Variants in SCN1A observed in about 807,000 individuals in gnomAD.
SCN1A encodes sodium channel protein type 1 subunit alpha.
SCN1A carries 13 observed loss-of-function variants against 193.7 expected under a neutral mutation model. The observed-to-expected ratio is 0.07, with a 90% CI of 0.04 to 0.11. The LOEUF (loss-of-function observed/expected upper bound fraction) is 0.11, where lower values mean the gene tolerates loss of function less well. Ranked by LOEUF, SCN1A falls within the 10% of genes least tolerant of loss-of-function variation. The pLI is 1.00. For synonymous variants in SCN1A, 781 were observed against 843.6 expected (o/e 0.93, Z 1.29); for missense variants, 1,432 against 2,451.1 (o/e 0.58, Z 8.78).
At position 165,986,724 on chromosome 2, in the gene SCN1A, C is replaced by A. The variant is rs1688636321; in HGVS notation, c.*4521G>T. ...AAAAAAAAAAAAAATCCTCCCCTTT[C>A]TAAAGACACACACACATCTATACTT... On this transcript the variant is annotated 3_prime_UTR_variant, in exon 29 of 29. Transcript: ENST00000674923. The A allele has an allele frequency of 6.8e-6, 1 of 146,588 alleles. No individual in the cohort carries two copies. Among genetic ancestry groups the A allele is most frequent in the African/African-American group, 2.5e-5 (1 of 40,172 alleles). 9.1% of individuals were successfully genotyped at this position (146,588 alleles called of 1,614,324 possible). A position where few individuals can be genotyped will look rare whatever the true frequency, so the allele number is the denominator to read the frequency against.
chr2:166,144,944 C>T (rs556579857), intron 1 of SCN1A, among the ~76,000 whole-genome samples: 84 of 151,304 alleles, frequency 5.6e-4, no homozygotes, highest in African/African-American at 1.6e-3. Flanking sequence ...CTCCGCCTCC[C>T]GGGTTCAAGC....
chr2:166,059,943 T>C (rs1307669996), intron 4 of SCN1A, among the ~76,000 whole-genome samples: 1 of 152,124 alleles, frequency 6.6e-6, no homozygotes, highest in Non-Finnish European at 1.5e-5. Flanking sequence ...TGTGAAAGTA[T>C]GGTCCCCCAA....
In SCN1A at chr2:166,036,412, C is replaced by A; in HGVS notation, c.3065G>T (p.Gly1022Val). The A allele has an allele frequency of 6.2e-7, 1 of 1,603,354 alleles. No individual in the cohort carries two copies. The highest frequency in any genetic ancestry group is 1.1e-5 in the South Asian group (1 of 88,418). The part of the protein sequence containing the change: ...LQIAVDRMHK[G>V]VAYVKRKIYE... ...TATTTTTCTTTTCACATAAGCTACT[C>A]CTTTGTGCATCCTATCCACAGCAAT... The change falls in exon 19 of 29, where the codon GGA becomes GTA. Residue 1022 changes from glycine to valine, a missense_variant. This residue lies in a region of SCN1A where 198 missense variants were observed against 225.8 expected (regional missense o/e 0.88). Coordinates refer to ENST00000674923, the MANE Select transcript of SCN1A (RefSeq NM_001165963.4).
At chr2:165,985,428 AAAAGG>A (rs932436406), downstream of SCN1A, 7 of 151,836 alleles carry the variant, frequency 4.6e-5, no homozygotes, top group Admixed American at 3.9e-4. Flanking sequence ...GAAGGAAAGA[AAAAGG>A]AAGGGAAGGG....
intron 21 of SCN1A, among the ~76,000 whole-genome samples, chr2:166,013,346 A>G (rs535274142): frequency 2.6e-5 from 4 of 151,616 alleles, no homozygotes; most frequent in Admixed American, 1.3e-4. Context: ...CTGTCCATCA[A>G]GAGATAATAA....
chr2:166,068,904 T>C (rs563460209), intron 4 of SCN1A, among the ~76,000 whole-genome samples: 25 of 152,346 alleles, frequency 1.6e-4, no homozygotes, highest in Middle Eastern at 3.4e-3. Context: ...ACTGTCACAT[T>C]GTTAAAATGA....
chr2:165,997,894 G>T, intron 26 of SCN1A, 144 bp downstream of exon 26: 1 of 632,878 alleles, frequency 1.6e-6, no homozygotes, highest in Non-Finnish European at 2.8e-6. Context: ...TATGGATAGT[G>T]AATGACAGAG....
At chr2:166,052,765 C>T in intron 8 of SCN1A, 87 bp downstream of exon 8, 1 of 1,105,660 alleles carries the variant, frequency 9.0e-7, no homozygotes. Context: ...TCTTATGATT[C>T]CTGATTTTCT....
rs985074200 is a variant in SCN1A, at chr2:165,987,071, T to C, written c.*4174A>G. ...GAATTGTGTTTAGTTGTCATAGTTC[T>C]TTGACCTCATGGAATTCTTTAGCCT... On this transcript the variant is annotated 3_prime_UTR_variant, in exon 29 of 29. Coordinates refer to ENST00000674923, the MANE Select transcript of SCN1A (RefSeq NM_001165963.4). The C allele has an allele frequency of 7.2e-5, 11 of 152,164 alleles. No homozygotes were observed. The highest frequency in any genetic ancestry group is 1.3e-4 in the Non-Finnish European group (9 of 68,008). The allele number at this position is 152,164 out of a possible 1,614,324, so 9.4% of individuals were successfully genotyped here.
At chr2:166,064,617 G>A (rs1305798235) in intron 4 of SCN1A, among the ~76,000 whole-genome samples, 1 of 151,940 alleles carries the variant, frequency 6.6e-6, no homozygotes, top group Non-Finnish European at 1.5e-5. Context: ...TTTTTTCCCA[G>A]GATGGACATT....
At chr2:165,995,967 G>A (rs374032958) in intron 27 of SCN1A, 46 bp downstream of exon 27, 33 of 1,287,608 alleles carry the variant, frequency 2.6e-5, no homozygotes, top group African/African-American at 5.9e-5. Context: ...AAGCATGCAA[G>A]TTTTTGTTTT....
chr2:166,047,690 A>T lies in SCN1A; in HGVS notation c.1107T>A (p.Ser369Arg). The change falls in exon 11 of 29, where the codon AGT becomes AGA. Residue 369 changes from serine (S) to arginine (R), a missense_variant. Ser to Arg is a moderately radical substitution (Grantham distance 110, BLOSUM62 -1). Around this residue, in one of 18 missense-constraint regions of SCN1A, gnomAD observed 11 missense variants for 70.9 expected, o/e 0.16. Coordinates refer to ENST00000674923, the MANE Select transcript of SCN1A (RefSeq NM_001165963.4). ...NYGYTSFDTFSWAFLSLFRLM... is the reference protein window; with the variant it reads ...NYGYTSFDTFRWAFLSLFRLM... ...GTCGAAACAAGGACAAAAAAGCCCAACTGAAGGTATCAAAGCTTGTGTAGC... is the reference window on the plus strand; with the variant it reads ...GTCGAAACAAGGACAAAAAAGCCCATCTGAAGGTATCAAAGCTTGTGTAGC... 1 of 1,613,738 alleles carries T rather than the reference A, an allele frequency of 6.2e-7. No homozygotes were observed.
At chr2:166,049,654 A>G (rs913775352) in intron 9 of SCN1A, among the ~76,000 whole-genome samples, 3 of 152,020 alleles carry the variant, frequency 2.0e-5, no homozygotes, top group African/African-American at 4.8e-5. Context: ...CAGTTCTTCT[A>G]TAACTTTTTC....
At chr2:166,006,482 GA>G (rs1280513860) in intron 23 of SCN1A, among the ~76,000 whole-genome samples, 2 of 151,236 alleles carry the variant, frequency 1.3e-5, no homozygotes, top group Non-Finnish European at 3.0e-5. Context: ...CTTATTCTAA[GA>G]AGTGAGTTTA....
chr2:166,143,276 C>G (rs939342009), intron 1 of SCN1A, among the ~76,000 whole-genome samples: 2 of 149,652 alleles, frequency 1.3e-5, no homozygotes, highest in East Asian at 4.0e-4. Flanking sequence ...AAGCCATTCT[C>G]CTGCCTCAGC....
chr2:166,123,309 G>A lies in SCN1A; in HGVS notation c.-142+3615C>T, dbSNP rs544435241. On this transcript the variant is annotated intron_variant, in intron 2 of 28. Coordinates refer to ENST00000674923, the MANE Select transcript of SCN1A (RefSeq NM_001165963.4). Reference sequence around the variant, plus strand: ...GCAGCTCCTGTGTCCTGGCCACTATGGGGGATGTAAACACTGGTTTTCATG... The same window carrying A: ...GCAGCTCCTGTGTCCTGGCCACTATAGGGGATGTAAACACTGGTTTTCATG... Among the ~76,000 whole-genome samples, 88 of 148,702 alleles carry A rather than the reference G, an allele frequency of 5.9e-4. 1 individual carries two copies. The highest frequency in any genetic ancestry group is 1.1e-3 in the Non-Finnish European group (75 of 67,752).
rs747749169 is a variant in SCN1A at position 165,986,119 on chromosome 2, G to A, written c.*5126C>T. ...ATTAAAACCAATGACCCATTATCAC[G>A]TATTCTCACCATCATTTCCAAAGAA... On this transcript the variant is annotated 3_prime_UTR_variant, in exon 29 of 29. Coordinates refer to ENST00000674923, the MANE Select transcript of SCN1A (RefSeq NM_001165963.4). 6.4e-4 allele frequency: 97 copies of A among 152,070 alleles called. No individual in the cohort carries two copies. The highest frequency in any genetic ancestry group is 1.2e-3 in the African/African-American group (50 of 41,506). The allele number at this position is 152,070 out of a possible 1,614,324, so 9.4% of individuals were successfully genotyped here. A position where few individuals can be genotyped will look rare whatever the true frequency, so the allele number is the denominator to read the frequency against.
chr2:166,067,712 T>TA (rs1683992364), intron 4 of SCN1A, among the ~76,000 whole-genome samples: 1 of 151,760 alleles, frequency 6.6e-6, no homozygotes, highest in African/African-American at 2.4e-5. Flanking sequence ...TTTTTTTTTT[T>TA]TTTTGCCTGC....
chr2:166,050,613 G>GTATATATATATATATATA (rs368513344), intron 9 of SCN1A, among the ~76,000 whole-genome samples: 3,284 of 63,424 alleles, frequency 0.052, 152 homozygotes, highest in Middle Eastern at 0.068. Flanking sequence ...ATTAAAAAAA[G>GTATATATATATATATATA]TATATATATA....
Sources: gnomAD v4.1 joint callset for allele counts (sites outside exome capture counted in the v4.1 genomes callset) on GRCh38, gnomAD v4.1.1 for gene constraint, gnomAD v4.1.1 regional missense constraint, MANE v1.5 for transcripts, NCBI Gene and HGNC (gene_info 2026-07-23, HGNC 2026-07-21) for gene names.